The following LSM14B variants were observed in gnomAD, a reference collection of about 807,000 sequenced individuals.
LSM14B encodes the protein LSM family member 14B, also known as protein LSM14 homolog B.
A neutral mutation model predicts 42.1 loss-of-function variants in LSM14B; 8 were observed. That is an observed-to-expected ratio of 0.19 (90% CI 0.11 to 0.34). The LOEUF (loss-of-function observed/expected upper bound fraction) is 0.34, where lower values mean the gene tolerates loss of function less well. Among genes scored for constraint, LSM14B ranks in the 10% least tolerant of loss-of-function variants. The pLI, the probability that LSM14B is intolerant of heterozygous loss-of-function variation, is 1.00. For missense variants in LSM14B, 396 were observed against 513.1 expected (o/e 0.77, Z 2.21); for synonymous variants, 219 against 209.7 (o/e 1.04, Z -0.38).
In LSM14B at chr20:62,130,773, G is replaced by A; in HGVS notation, c.835+82G>A. 2 of 1,432,188 alleles carry A rather than the reference G, an allele frequency of 1.4e-6. No homozygotes were observed. Among genetic ancestry groups the A allele is most frequent in the South Asian group, 2.6e-5 (2 of 77,870 alleles). The allele number at this position is 1,432,188 out of a possible 1,614,324, so 88.7% of individuals were successfully genotyped here. ...AGGAGGAGATGCCTGGCCGGGTGTG[G>A]TGGTTCACGCCTGTAATCTCAGCAC... is the stretch of plus-strand genomic sequence containing the variant. On this transcript the variant is annotated intron_variant, in intron 6 of 8. Coordinates refer to ENST00000279068, the MANE Select transcript of LSM14B (RefSeq NM_144703.3). The surrounding 1 kb of genome is among the most constrained non-coding windows in gnomAD (Gnocchi z 4.1).
At chr20:62,129,174 A>T (rs2056692382) in intron 3 of LSM14B, 1 of 357,774 alleles carries the variant, frequency 2.8e-6, no homozygotes. Flanking sequence ...TGTCTTCATG[A>T]TGAGCCTTTG....
Position 62,130,663 on chromosome 20 carries a change from A to G in LSM14B, c.807A>G (p.Lys269=), listed in dbSNP as rs373575944. 149 of 1,613,546 alleles carry G rather than the reference A, an allele frequency of 9.2e-5. No individual in the cohort carries two copies. The highest frequency in any genetic ancestry group is 1.1e-4 in the Non-Finnish European group (135 of 1,179,812). ...NAQFNREELD[K]EFKKKLNFKD... ...AGTTCAACCGAGAGGAGCTTGACAA[A>G]GAATTTAAGAAGAAACTGAATTTTA... The change falls in exon 6 of 9, where the codon AAA becomes AAG. Residue 269 remains lysine (K), a synonymous_variant. Coordinates refer to ENST00000279068, the MANE Select transcript of LSM14B (RefSeq NM_144703.3). This position sits in a 1 kb window ranked among gnomAD's most constrained non-coding sequence, Gnocchi z 4.1.
chr20:62,128,634 A>C (rs970359044), intron 3 of LSM14B, among the ~76,000 whole-genome samples: 4 of 152,232 alleles, frequency 2.6e-5, no homozygotes, highest in Non-Finnish European at 5.9e-5. Context: ...ATGCCCCTGC[A>C]GTCACAGTAT....
intron 3 of LSM14B, chr20:62,127,828 C>T (rs201359618): frequency 3.2e-5 from 24 of 755,426 alleles, no homozygotes; most frequent in Non-Finnish European, 5.2e-5. Flanking sequence ...CGCTGAGCTG[C>T]TTGTTTTGCT....
rs1368347956 is a variant in LSM14B at position 62,130,246 on chromosome 20, C to T, written c.623C>T (p.Ala208Val). Reference protein sequence around the residue: ...SDVVQPAAVQAQGQVNDENRR... With the variant: ...SDVVQPAAVQVQGQVNDENRR... ...GTAGTCCAGCCGGCAGCTGTGCAAG[C>T]TCAAGGGCAGGTGAATGACGAGAAC... Residue 208 changes from alanine to valine, a missense_variant, in exon 5 of 9, where the codon GCT becomes GTT. Coordinates refer to ENST00000279068, the MANE Select transcript of LSM14B (RefSeq NM_144703.3). This position sits in a 1 kb window ranked among gnomAD's most constrained non-coding sequence, Gnocchi z 4.1. 4.4e-6 allele frequency: 7 copies of T among 1,605,270 alleles called. No individual in the cohort carries two copies. In the African/African-American group the frequency reaches 9.4e-5, roughly 21 times the overall value.
intron 8 of LSM14B, 111 bp downstream of exon 8, chr20:62,133,586 C>G (rs1011270036): frequency 6.2e-6 from 8 of 1,300,010 alleles, no homozygotes; most frequent in Non-Finnish European, 8.2e-6. Flanking sequence ...GAAGAGAGGC[C>G]CAGAGGTGTC....
At chr20:62,126,972 G>C (rs572171502) in intron 3 of LSM14B, among the ~76,000 whole-genome samples, 1 of 152,318 alleles carries the variant, frequency 6.6e-6, no homozygotes, top group African/African-American at 2.4e-5. Context: ...ACTCTAGCCT[G>C]AGCGGCACAG....
Position 62,122,984 on chromosome 20 carries a change from C to T in LSM14B, c.127+191C>T, listed in dbSNP as rs1005665769. Among the ~76,000 whole-genome samples, 1 of 151,952 alleles carries T rather than the reference C, an allele frequency of 6.6e-6. No homozygotes were observed. Among genetic ancestry groups the T allele is most frequent in the Admixed American group, 6.6e-5 (1 of 15,266 alleles). ...GGACGCCCCCGAGGCGCCCCCTTCC[C>T]GCGCGCCACCCTCCCCCAGCGTAGC... On this transcript the variant is annotated intron_variant, in intron 1 of 8. Transcript: ENST00000279068. This position sits in a 1 kb window ranked among gnomAD's most constrained non-coding sequence, Gnocchi z 4.6.
intron 3 of LSM14B, among the ~76,000 whole-genome samples, chr20:62,126,895 G>A (rs553857355): frequency 6.6e-6 from 1 of 152,258 alleles, no homozygotes; most frequent in Admixed American, 6.5e-5. Context: ...TACTTGGGGG[G>A]TTGAGGCATG....
At chr20:62,125,728 G>A (rs2056576330) in intron 2 of LSM14B, among the ~76,000 whole-genome samples, 1 of 152,224 alleles carries the variant, frequency 6.6e-6, no homozygotes, top group Admixed American at 6.5e-5. Flanking sequence ...GGCCGGCTTT[G>A]GGAGCAGTGG....
chr20:62,127,688 GC>G, intron 3 of LSM14B: 1 of 1,550,208 alleles, frequency 6.5e-7, no homozygotes, highest in Non-Finnish European at 8.7e-7. Context: ...AGCCACAGCA[GC>G]TCACTGCCAA....
At position 62,130,341 on chromosome 20, in the gene LSM14B, G is replaced by A. The variant is rs1295192165; in HGVS notation, c.673+45G>A. 1 of 1,559,398 alleles carries A rather than the reference G, an allele frequency of 6.4e-7. No individual in the cohort carries two copies. The highest frequency in any genetic ancestry group is 1.2e-5 in the South Asian group (1 of 84,766). ...GATTTCTGGGGACCACGAGTGATCA[G>A]GCTGAGCTCTGCTTGCCCTCCTGCC... On this transcript the variant is annotated intron_variant, in intron 5 of 8. Coordinates refer to ENST00000279068, the MANE Select transcript of LSM14B (RefSeq NM_144703.3). The surrounding 1 kb of genome is among the most constrained non-coding windows in gnomAD (Gnocchi z 4.1).
At chr20:62,131,274 G>A in intron 6 of LSM14B, 82 bp from the exon 7 acceptor site, 4 of 1,481,374 alleles carry the variant, frequency 2.7e-6, no homozygotes, top group Non-Finnish European at 3.6e-6. Flanking sequence ...TGGCTTCCGA[G>A]TGAGCCCGGA....
At position 62,122,793 on chromosome 20, in the gene LSM14B, G is replaced by T; in HGVS notation, c.127G>T (p.Val43Leu). The T allele has an allele frequency of 6.7e-7, 1 of 1,496,434 alleles. No homozygotes were observed. The highest frequency in any genetic ancestry group is 9.0e-7 in the Non-Finnish European group (1 of 1,115,480). The allele number at this position is 1,496,434 out of a possible 1,614,324, so 92.7% of individuals were successfully genotyped here. ...CAACTCCACCGTGGCGCTCGCCAAAGGTAGCGGCCGCCGCCCGCCCGAGCC... is the reference window on the plus strand; with the variant it reads ...CAACTCCACCGTGGCGCTCGCCAAATGTAGCGGCCGCCGCCCGCCCGAGCC... ...TDNSTVALAKVRSFGTEDRPT... is the reference protein window; with the variant it reads ...TDNSTVALAKLRSFGTEDRPT... Residue 43 changes from valine (V) to leucine (L), a missense_variant and splice_region_variant, in exon 1 of 9, where the codon GTG (valine) becomes TTG (leucine). Coordinates refer to ENST00000279068, the MANE Select transcript of LSM14B (RefSeq NM_144703.3). The surrounding 1 kb of genome is among the most constrained non-coding windows in gnomAD (Gnocchi z 4.6).
At position 62,133,462 on chromosome 20, in the gene LSM14B, GGGTGCAGCCAAAGGTGA is replaced by G. The variant is rs774744952; in HGVS notation, c.*3_*14+5del. 6.2e-7 allele frequency: 1 copy of G among 1,611,944 alleles called. No individual in the cohort carries two copies. The highest frequency in any genetic ancestry group is 1.1e-5 in the South Asian group (1 of 91,054). On this transcript the variant is annotated splice_donor_variant and splice_donor_region_variant and 3_prime_UTR_variant and intron_variant, in exon 8 of 9. Coordinates refer to ENST00000279068, the MANE Select transcript of LSM14B (RefSeq NM_144703.3). LOFTEE classifies it low-confidence loss of function (3UTR_SPLICE). ...CAGGGCCGGGACTGGCAGGGTGTGA[GGGTGCAGCCAAAGGTGA>G]GTGGATGAACCTTCTGGACGCTTTG...
intron 2 of LSM14B, among the ~76,000 whole-genome samples, chr20:62,125,722 G>A (rs940519364): frequency 4.6e-5 from 7 of 152,212 alleles, no homozygotes; most frequent in African/African-American, 1.4e-4. Context: ...ACACAGGGCC[G>A]GCTTTGGGAG....
rs926448922 is a variant in LSM14B, at chr20:62,134,470, G to C, written c.*322G>C. 181 of 158,924 alleles carry C rather than the reference G, an allele frequency of 1.1e-3. 1 individual carries two copies. Among genetic ancestry groups the C allele is most frequent in the Middle Eastern group, 3.8e-3 (4 of 1,048 alleles). The allele number at this position is 158,924 out of a possible 1,614,324, so 9.8% of individuals were successfully genotyped here. ...ATAGTGAAAGCTGAATCCTTACTTT[G>C]TGACTTTTTTTTTTTTTTTTAATGA... On this transcript the variant is annotated 3_prime_UTR_variant, in exon 9 of 9. Transcript: ENST00000279068.
Position 62,126,152 on chromosome 20 carries a change from C to G in LSM14B, c.292-152C>G, listed in dbSNP as rs1014146505. On this transcript the variant is annotated intron_variant, in intron 2 of 8. Coordinates refer to ENST00000279068, the MANE Select transcript of LSM14B (RefSeq NM_144703.3). ...TGTGGAAAAGGCAGCTCTCACCATACTGGAAACTTGCACCCCAAGGGCTCC... is the reference window on the plus strand; with the variant it reads ...TGTGGAAAAGGCAGCTCTCACCATAGTGGAAACTTGCACCCCAAGGGCTCC... 9.5e-6 allele frequency: 10 copies of G among 1,050,294 alleles called. No individual in the cohort carries two copies. In the African/African-American group the frequency reaches 1.6e-4, roughly 17 times the overall value. 65.1% of individuals were successfully genotyped at this position (1,050,294 alleles called of 1,614,324 possible).
At chr20:62,131,293 C>A in intron 6 of LSM14B, 63 bp from the exon 7 acceptor site, 1 of 1,524,622 alleles carries the variant, frequency 6.6e-7, no homozygotes, top group Non-Finnish European at 8.8e-7. Context: ...GAGGGACCAC[C>A]CTGCTAAAAG....
Sources: allele counts gnomAD v4.1 joint callset (sites outside exome capture counted in the v4.1 genomes callset), GRCh38; gene constraint gnomAD v4.1.1; non-coding constraint Gnocchi (gnomAD v3.1); transcripts MANE v1.5; gene names NCBI Gene and HGNC (gene_info 2026-07-23, HGNC 2026-07-21).